UBQLN1: variants seen among roughly 807,000 people sequenced by gnomAD.
UBQLN1 encodes ubiquilin 1.
In UBQLN1, 13 loss-of-function variants were observed where a neutral mutation model predicts 65.4. That is an observed-to-expected ratio of 0.20 (90% CI 0.13 to 0.32). UBQLN1 has a LOEUF of 0.32. Among genes scored for constraint, UBQLN1 ranks in the 10% least tolerant of loss-of-function variants. The pLI is 1.00. For missense variants in UBQLN1, 561 were observed against 724.0 expected (o/e 0.77, Z 2.58); for synonymous variants, 267 against 247.8 (o/e 1.08, Z -0.73).
chr9:83,693,584 C>T (rs1832162721), intron 1 of UBQLN1, among the ~76,000 whole-genome samples: 1 of 151,982 alleles, frequency 6.6e-6, no homozygotes, highest in African/African-American at 2.4e-5. Context: ...AGTTAGAAAA[C>T]CGTATCAAAT....
chr9:83,694,125 T>G (rs924810512), intron 1 of UBQLN1, among the ~76,000 whole-genome samples: 1 of 152,206 alleles, frequency 6.6e-6, no homozygotes, highest in African/African-American at 2.4e-5. Context: ...ACAACCATTC[T>G]CCATCTCACC....
intron 1 of UBQLN1, among the ~76,000 whole-genome samples, chr9:83,706,513 C>G (rs1457960020): frequency 1.3e-5 from 2 of 152,226 alleles, no homozygotes; most frequent in Non-Finnish European, 2.9e-5. Context: ...CACCTACTGT[C>G]CCTGGGGAAA....
intron 9 of UBQLN1, among the ~76,000 whole-genome samples, chr9:83,664,685 G>A (rs1159020590): frequency 6.6e-6 from 1 of 151,938 alleles, no homozygotes; most frequent in Non-Finnish European, 1.5e-5. Flanking sequence ...CAAATCTCTT[G>A]AGCCCAGAAG....
chr9:83,669,732 T>C (rs1831700811), intron 6 of UBQLN1, among the ~76,000 whole-genome samples: 1 of 152,192 alleles, frequency 6.6e-6, no homozygotes, highest in Non-Finnish European at 1.5e-5. Context: ...TGCCCACCCT[T>C]ATGAAAGAAG....
intron 6 of UBQLN1, 100 bp downstream of exon 6, chr9:83,677,627 A>G: frequency 1.2e-6 from 1 of 819,208 alleles, no homozygotes; most frequent in Non-Finnish European, 1.9e-6. Context: ...GATACTCACT[A>G]TACATACACA....
intron 7 of UBQLN1, chr9:83,668,682 G>A (rs1831681943): frequency 5.2e-6 from 5 of 959,406 alleles, no homozygotes; most frequent in African/African-American, 1.8e-5. Flanking sequence ...ACCTGTATAC[G>A]ATTTTCAGCA....
chr9:83,706,965 G>A (rs1832419433), intron 1 of UBQLN1, among the ~76,000 whole-genome samples: 2 of 152,078 alleles, frequency 1.3e-5, no homozygotes, highest in Non-Finnish European at 1.5e-5. Context: ...TTTAAAGGTT[G>A]CAAGGTGGGA....
intron 6 of UBQLN1, among the ~76,000 whole-genome samples, 184 bp downstream of exon 6, chr9:83,677,543 C>A (rs1831855617): frequency 6.6e-6 from 1 of 151,894 alleles, no homozygotes. Flanking sequence ...GCCTGTGCAA[C>A]AAGAGCGAAG....
intron 7 of UBQLN1, chr9:83,667,578 A>G: frequency 1.0e-6 from 1 of 985,464 alleles, no homozygotes; most frequent in Non-Finnish European, 1.2e-6. Flanking sequence ...TACAGGCTTA[A>G]GGTCAACAAA....
chr9:83,682,310 C>A (rs887019369), intron 3 of UBQLN1, among the ~76,000 whole-genome samples: 1 of 151,684 alleles, frequency 6.6e-6, no homozygotes, highest in Non-Finnish European at 1.5e-5. Flanking sequence ...ATATATTCCA[C>A]AGAACCTCAA....
chr9:83,677,222 C>T (rs991377183), intron 6 of UBQLN1, among the ~76,000 whole-genome samples: 7 of 152,170 alleles, frequency 4.6e-5, no homozygotes, highest in African/African-American at 1.7e-4. Flanking sequence ...CTAGTAACAA[C>T]TACACAAGTA....
At chr9:83,674,340 A>T (rs75802466) in intron 6 of UBQLN1, among the ~76,000 whole-genome samples, 4,415 of 152,286 alleles carry the variant, frequency 0.029, 225 homozygotes, top group African/African-American at 0.1. Flanking sequence ...ACACTAAAAG[A>T]ATACAACATA....
chr9:83,683,524 A>T (rs1306068858), intron 2 of UBQLN1, among the ~76,000 whole-genome samples: 1 of 152,132 alleles, frequency 6.6e-6, no homozygotes, highest in Non-Finnish European at 1.5e-5. Context: ...TGAGAAAACT[A>T]AGCATTAGGA....
intron 1 of UBQLN1, among the ~76,000 whole-genome samples, chr9:83,688,388 AT>A (rs34015066): frequency 0.13 from 19,809 of 152,168 alleles, 1,636 homozygotes; most frequent in Middle Eastern, 0.26. Flanking sequence ...CAGATTAACT[AT>A]TTTTCATATG....
At chr9:83,679,173 C>T (rs941793205) in intron 4 of UBQLN1, among the ~76,000 whole-genome samples, 21 of 152,182 alleles carry the variant, frequency 1.4e-4, no homozygotes, top group Admixed American at 1.1e-3. Flanking sequence ...CTGCAGTCAA[C>T]GTGAGTCACT....
At chr9:83,674,686 C>T (rs1202306678) in intron 6 of UBQLN1, among the ~76,000 whole-genome samples, 1 of 152,164 alleles carries the variant, frequency 6.6e-6, no homozygotes, top group Middle Eastern at 3.2e-3. Context: ...AATTTAAAAA[C>T]AACGCAAATG....
At position 83,663,954 on chromosome 9, in the gene UBQLN1, G is replaced by C. The variant is rs1201095648; in HGVS notation, c.1538C>G (p.Pro513Arg). Residue 513 changes from proline to arginine, a missense_variant, in exon 10 of 11, where the codon CCC becomes CGC. Pro to Arg is a moderately radical substitution (Grantham distance 103). Transcript: ENST00000376395. ...SNATPSENTS[P>R]TAGTTEPGHQ... Reference sequence around the variant, plus strand: ...TCCAGGTTCAGTGGTTCCTGCTGTGGGACTTGTGTTTTCACTAGGTGTGGC... The same window carrying C: ...TCCAGGTTCAGTGGTTCCTGCTGTGCGACTTGTGTTTTCACTAGGTGTGGC... 1.2e-6 allele frequency: 2 copies of C among 1,614,164 alleles called. No homozygotes were observed. Among genetic ancestry groups the C allele is most frequent in the South Asian group, 2.2e-5 (2 of 91,078 alleles).
Position 83,667,415 on chromosome 9 carries a change from T to C in UBQLN1, c.1249-982A>G, listed in dbSNP as rs553632358. 7 of 807,964 alleles carry C rather than the reference T, an allele frequency of 8.7e-6. No homozygotes were observed. The South Asian group carries it at 2.3e-4, about 26-fold the overall frequency. The allele number at this position is 807,964 out of a possible 1,614,324, so 50.0% of individuals were successfully genotyped here. ...AGAAGTTAACCGTATTTAAGAGCAA[T>C]GTAAATGCTGGTAGAGAAAATTCGC... On this transcript the variant is annotated intron_variant, in intron 7 of 10. Coordinates refer to ENST00000376395, the MANE Select transcript of UBQLN1 (RefSeq NM_013438.5).
Position 83,677,770 on chromosome 9 carries a change from A to G in UBQLN1, c.1062T>C (p.Ser354=), listed in dbSNP as rs748517100. Reference sequence around the variant, plus strand: ...AATTTGGCGCAGTAGTACTCTGCCCAGAAGTGCCACTGGCAGTACTACCAG... The same window carrying G: ...AATTTGGCGCAGTAGTACTCTGCCCGGAAGTGCCACTGGCAGTACTACCAG... The part of the protein sequence containing the change: ...GTTGSTASGT[S]GQSTTAPNLV... Residue 354 remains serine (S), a synonymous_variant, in exon 6 of 11, where the codon TCT becomes TCC. Transcript: ENST00000376395. 5.0e-6 allele frequency: 8 copies of G among 1,614,092 alleles called. No homozygotes were observed. Among genetic ancestry groups the G allele is most frequent in the Non-Finnish European group, 6.8e-6 (8 of 1,180,040 alleles).
Sources: allele counts gnomAD v4.1 joint callset (sites outside exome capture counted in the v4.1 genomes callset), GRCh38; gene constraint gnomAD v4.1.1; transcripts MANE v1.5; gene names NCBI Gene and HGNC (gene_info 2026-07-23, HGNC 2026-07-21).